The following RAPGEF5 variants were observed in gnomAD, a reference collection of about 807,000 sequenced individuals.
RAPGEF5 encodes the protein Rap guanine nucleotide exchange factor 5, also known as M-Ras-regulated GEF.
RAPGEF5 carries 65 observed loss-of-function variants against 125.2 expected under a neutral mutation model. That is an observed-to-expected ratio of 0.52 (90% CI 0.43 to 0.64). The LOEUF (loss-of-function observed/expected upper bound fraction) is 0.64, where lower values mean the gene tolerates loss of function less well. RAPGEF5 is among the 30% of genes least tolerant of loss of function. The pLI is 0.00. For missense variants in RAPGEF5, 958 were observed against 1,048.1 expected, an observed-to-expected ratio of 0.91 and a Z score of 1.19; for synonymous variants, 391 against 385.9, an observed-to-expected ratio of 1.01 and a Z score of -0.16.
At chr7:22,314,859 T>G (rs903126796) in intron 3 of RAPGEF5, among the ~76,000 whole-genome samples, 3 of 152,092 alleles carry the variant, frequency 2.0e-5, no homozygotes, top group Non-Finnish European at 2.9e-5. Flanking sequence ...AACTGGCCAT[T>G]TACCTACCTG....
At chr7:22,220,698 T>C (rs924163803) in intron 8 of RAPGEF5, among the ~76,000 whole-genome samples, 1 of 147,342 alleles carries the variant, frequency 6.8e-6, no homozygotes, top group Non-Finnish European at 1.5e-5. Flanking sequence ...GGAAGGTGAA[T>C]CTAAGACTTT....
In RAPGEF5 at chr7:22,280,024, C is replaced by A. The variant is rs537176186; in HGVS notation, c.747+11151G>T. On this transcript the variant is annotated intron_variant, in intron 6 of 25. Coordinates refer to ENST00000665637, the MANE Select transcript of RAPGEF5 (RefSeq NM_012294.5). ...TATAGGTCATTTTGGAAACAGGCCT[C>A]CCGAAAAGGTAGGGTGACCCCAATA... 2.0e-5 allele frequency among the ~76,000 whole-genome samples: 3 copies of A among 152,164 alleles called. No homozygotes were observed. The South Asian group carries it at 6.2e-4, about 32-fold the overall frequency.
chr7:22,155,393 T>C (rs776079694), intron 16 of RAPGEF5, among the ~76,000 whole-genome samples: 35 of 152,236 alleles, frequency 2.3e-4, no homozygotes, highest in Non-Finnish European at 4.1e-4. Flanking sequence ...TTACCTCTTA[T>C]ATCAGCTACT....
intron 20 of RAPGEF5, among the ~76,000 whole-genome samples, chr7:22,143,851 A>G (rs1313012303): frequency 6.6e-6 from 1 of 152,248 alleles, no homozygotes; most frequent in Admixed American, 6.5e-5. Context: ...ACCCACTGAC[A>G]CACTGCACGC....
intron 11 of RAPGEF5, among the ~76,000 whole-genome samples, chr7:22,168,236 G>T (rs955135747): frequency 6.6e-6 from 1 of 152,142 alleles, no homozygotes; most frequent in African/African-American, 2.4e-5. Flanking sequence ...AAGGCCATGA[G>T]GGTGGAGCCC....
intron 3 of RAPGEF5, among the ~76,000 whole-genome samples, chr7:22,310,344 A>G (rs775429165): frequency 1.9e-4 from 29 of 152,224 alleles, no homozygotes; most frequent in Non-Finnish European, 1.8e-4. Flanking sequence ...ATATCTTTAC[A>G]AAGGAACAAT....
rs139977861 is a variant in RAPGEF5 at position 22,302,269 on chromosome 7, A to C, written c.680+6070T>G. ...TTTGGTAAAATCTTTCTATCACAGT[A>C]ATATTAGCCAGTCAGGACAGAGAGG... On this transcript the variant is annotated intron_variant, in intron 5 of 25. Transcript: ENST00000665637. Among the ~76,000 whole-genome samples, 10 of 152,310 alleles carry C rather than the reference A, an allele frequency of 6.6e-5. No individual in the cohort carries two copies. In the East Asian group the frequency reaches 1.9e-3, roughly 29 times the overall value.
At chr7:22,227,581 T>A (rs1158407097) in intron 8 of RAPGEF5, among the ~76,000 whole-genome samples, 1 of 152,180 alleles carries the variant, frequency 6.6e-6, no homozygotes, top group South Asian at 2.1e-4. Context: ...GGCTAACGCC[T>A]GTAATCTCGG....
At chr7:22,293,291 C>A (rs1466514216) in intron 5 of RAPGEF5, among the ~76,000 whole-genome samples, 3 of 152,126 alleles carry the variant, frequency 2.0e-5, no homozygotes, top group Non-Finnish European at 4.4e-5. Flanking sequence ...ACCTTACAGG[C>A]TAACTCAACC....
chr7:22,207,460 G>T (rs1472795527), intron 9 of RAPGEF5, among the ~76,000 whole-genome samples: 1 of 152,168 alleles, frequency 6.6e-6, no homozygotes, highest in African/African-American at 2.4e-5. Flanking sequence ...ACTGGGGACA[G>T]CCAGGGGGTG....
At chr7:22,338,229 C>T (rs549951043) in intron 1 of RAPGEF5, among the ~76,000 whole-genome samples, 77 of 152,264 alleles carry the variant, frequency 5.1e-4, no homozygotes, top group Middle Eastern at 3.4e-3. Flanking sequence ...TTACCTGTTA[C>T]GCAGCACATA....
rs772777809 is a variant in RAPGEF5 at position 22,122,429 on chromosome 7, G to T, written c.2629C>A (p.His877Asn). Residue 877 changes from histidine to asparagine, a missense_variant, in exon 26 of 26, where the codon CAC (histidine) becomes AAC (asparagine). By Grantham distance (68) the His-to-Asn change is moderately conservative. Coordinates refer to ENST00000665637, the MANE Select transcript of RAPGEF5 (RefSeq NM_012294.5). ...DSQQALFELSHRIEPRV is the reference protein window; with the variant it reads ...DSQQALFELSNRIEPRV ...GCTCACACCCGAGGCTCGATCCTGTGTGAGAGCTCAAACAGAGCCTGCTGG... is the reference window on the plus strand; with the variant it reads ...GCTCACACCCGAGGCTCGATCCTGTTTGAGAGCTCAAACAGAGCCTGCTGG... The T allele has an allele frequency of 1.2e-6, 2 of 1,613,660 alleles. No individual in the cohort carries two copies. The highest frequency in any genetic ancestry group is 3.3e-5 in the Admixed American group (2 of 60,018).
At chr7:22,355,201 ATC>A (rs1367681670) in intron 1 of RAPGEF5, among the ~76,000 whole-genome samples, 1 of 152,254 alleles carries the variant, frequency 6.6e-6, no homozygotes, top group African/African-American at 2.4e-5. Context: ...AGCATACATT[ATC>A]TGAGGTAACC....
In RAPGEF5 at chr7:22,162,378, T is replaced by A; in HGVS notation, c.1428+19A>T. On this transcript the variant is annotated intron_variant, in intron 13 of 25. Coordinates refer to ENST00000665637, the MANE Select transcript of RAPGEF5 (RefSeq NM_012294.5). The stretch of plus-strand genomic sequence containing the variant: ...ATCAGTTATTTGGCATCAAAGAATA[T>A]CTGGAAATGTTTGATTACCTTTAAA... 6.5e-7 allele frequency: 1 copy of A among 1,545,630 alleles called. No homozygotes were observed. Among genetic ancestry groups the A allele is most frequent in the Non-Finnish European group, 8.9e-7 (1 of 1,123,038 alleles).
intron 3 of RAPGEF5, 76 bp downstream of exon 3, chr7:22,315,294 A>G: frequency 6.7e-7 from 1 of 1,485,048 alleles, no homozygotes; most frequent in Admixed American, 2.2e-5. Flanking sequence ...TCTTTGATCA[A>G]GGTTACAATT....
chr7:22,140,230 T>C (rs1783212940), intron 20 of RAPGEF5, 115 bp from the exon 21 acceptor site: 3 of 910,676 alleles, frequency 3.3e-6, no homozygotes, highest in Admixed American at 2.2e-5. Context: ...AATTCTGCTC[T>C]ACAGCCTACG....
At chr7:22,129,780 T>C (rs1053469767) in intron 24 of RAPGEF5, among the ~76,000 whole-genome samples, 5 of 152,052 alleles carry the variant, frequency 3.3e-5, no homozygotes, top group Admixed American at 1.3e-4. Flanking sequence ...TGGTCTTCGG[T>C]GTGGTTAAAA....
chr7:22,244,524 G>A (rs754251570), intron 7 of RAPGEF5, among the ~76,000 whole-genome samples: 2 of 152,076 alleles, frequency 1.3e-5, no homozygotes, highest in Non-Finnish European at 2.9e-5. Context: ...CTAATGCCCA[G>A]TGATTTGTCA....
chr7:22,356,655 G>T (rs999084274), intron 1 of RAPGEF5, 175 bp downstream of exon 1: 3 of 240,034 alleles, frequency 1.2e-5, no homozygotes, highest in Non-Finnish European at 2.3e-5. Flanking sequence ...CGTCGCTCAG[G>T]GGGTGGCACC....
Sources: gnomAD v4.1 joint callset for allele counts (sites outside exome capture counted in the v4.1 genomes callset) on GRCh38, gnomAD v4.1.1 for gene constraint, MANE v1.5 for transcripts, NCBI Gene and HGNC (gene_info 2026-07-23, HGNC 2026-07-21) for gene names.